ETS1: variants seen among roughly 807,000 people sequenced by gnomAD.
ETS1 encodes the protein protein C-ets-1.
A neutral mutation model predicts 58.6 loss-of-function variants in ETS1; 15 were observed. The observed-to-expected ratio is 0.26, with a 90% confidence interval of 0.17 to 0.39. The LOEUF (loss-of-function observed/expected upper bound fraction) is 0.39. Ranked by LOEUF, ETS1 falls within the 10% of genes least tolerant of loss-of-function variation. ETS1 has a pLI of 1.00. For missense variants in ETS1, 417 were observed against 610.5 expected (o/e 0.68, Z 3.34); for synonymous variants, 214 against 218.2 (o/e 0.98, Z 0.17).
At chr11:128,576,069 G>A (rs1197367426) in intron 1 of ETS1, among the ~76,000 whole-genome samples, 1 of 152,252 alleles carries the variant, frequency 6.6e-6, no homozygotes. Context: ...GTGCTGGACT[G>A]TATTCTTGAA....
chr11:128,585,723 T>A (rs566588268), intron 1 of ETS1, among the ~76,000 whole-genome samples: 1 of 152,228 alleles, frequency 6.6e-6, no homozygotes, highest in South Asian at 2.1e-4. Context: ...TCTCTCATAT[T>A]TGTAAACCAG....
In ETS1 at chr11:128,462,264, A is replaced by C; in HGVS notation, c.*97T>G. On this transcript the variant is annotated 3_prime_UTR_variant, in exon 10 of 10. Transcript: ENST00000392668. ...CTGAAGGTAAAAAATGAGTTCTGGA[A>C]AATAAAAAATAGAATAACAATTCAA... is the stretch of plus-strand genomic sequence containing the variant. The C allele has an allele frequency of 1.0e-6, 1 of 990,798 alleles. No individual in the cohort carries two copies. The highest frequency in any genetic ancestry group is 1.5e-5 in the South Asian group (1 of 65,590). The allele number at this position is 990,798 out of a possible 1,614,324, so 61.4% of individuals were successfully genotyped here.
chr11:128,535,719 A>C (rs1411735870), intron 3 of ETS1, among the ~76,000 whole-genome samples: 1 of 152,204 alleles, frequency 6.6e-6, no homozygotes, highest in Non-Finnish European at 1.5e-5. Flanking sequence ...TCTATGCATG[A>C]TGACATTTAG....
intron 2 of ETS1, among the ~76,000 whole-genome samples, chr11:128,564,582 G>A (rs1431935451): frequency 1.3e-5 from 2 of 152,110 alleles, no homozygotes; most frequent in South Asian, 2.1e-4. Flanking sequence ...GCCAACACTC[G>A]CTGAAACAGG....
intron 2 of ETS1, among the ~76,000 whole-genome samples, chr11:128,558,722 C>T (rs1864357346): frequency 6.8e-6 from 1 of 147,048 alleles, no homozygotes; most frequent in Admixed American, 6.8e-5. Context: ...TGTTTCCTTA[C>T]TTTTGGCTTC....
intron 3 of ETS1, among the ~76,000 whole-genome samples, chr11:128,498,261 A>C (rs1399530228): frequency 6.6e-6 from 1 of 152,220 alleles, no homozygotes; most frequent in Non-Finnish European, 1.5e-5. Context: ...CTTAAAAAAA[A>C]AGATTTTATT....
chr11:128,494,832 G>T (rs1264881054), intron 3 of ETS1, among the ~76,000 whole-genome samples: 1 of 152,094 alleles, frequency 6.6e-6, no homozygotes, highest in Non-Finnish European at 1.5e-5. Context: ...GAGCGTCTGG[G>T]ATCCTAGGGT....
At chr11:128,503,051 G>A (rs923770185) in intron 3 of ETS1, among the ~76,000 whole-genome samples, 2 of 152,182 alleles carry the variant, frequency 1.3e-5, no homozygotes, top group African/African-American at 2.4e-5. Context: ...GCTCAACAAA[G>A]AGATCCCCTG....
intron 1 of ETS1, among the ~76,000 whole-genome samples, chr11:128,582,180 G>T (rs1565419484): frequency 6.6e-6 from 1 of 152,124 alleles, no homozygotes; most frequent in South Asian, 2.1e-4. Flanking sequence ...GTCCTAAGAG[G>T]TTACGTGTTT....
chr11:128,554,079 C>T (rs1864277294), intron 3 of ETS1, among the ~76,000 whole-genome samples: 1 of 152,192 alleles, frequency 6.6e-6, no homozygotes, highest in Non-Finnish European at 1.5e-5. Context: ...GTCCAAACAA[C>T]ACCCATCGCT....
At chr11:128,470,541 T>C (rs951865746) in intron 8 of ETS1, among the ~76,000 whole-genome samples, 25 of 152,132 alleles carry the variant, frequency 1.6e-4, no homozygotes, top group Non-Finnish European at 5.9e-5. Context: ...TATATACATA[T>C]ATATAGACAG....
intron 8 of ETS1, among the ~76,000 whole-genome samples, chr11:128,469,355 T>C (rs914062691): frequency 1.3e-5 from 2 of 152,208 alleles, no homozygotes; most frequent in Non-Finnish European, 1.5e-5. Context: ...ACAGGCCTGC[T>C]GGCCCCTCCC....
At chr11:128,539,364 C>T (rs1864020812) in intron 3 of ETS1, among the ~76,000 whole-genome samples, 1 of 152,098 alleles carries the variant, frequency 6.6e-6, no homozygotes, top group African/African-American at 2.4e-5. Context: ...AAAAAGACAA[C>T]CCAATTTAAA....
intron 8 of ETS1, among the ~76,000 whole-genome samples, chr11:128,475,589 G>A (rs899992304): frequency 3.2e-5 from 4 of 124,168 alleles, no homozygotes; most frequent in Non-Finnish European, 4.7e-5. Context: ...ACGGAGTCTC[G>A]CTCTGTCACC....
chr11:128,582,326 C>T (rs1864891396), intron 1 of ETS1, among the ~76,000 whole-genome samples: 1 of 152,168 alleles, frequency 6.6e-6, no homozygotes, highest in Non-Finnish European at 1.5e-5. Flanking sequence ...AATATCAACA[C>T]TTTCAGGATT....
At position 128,566,433 on chromosome 11, in the gene ETS1, T is replaced by C. The variant is rs140751903; in HGVS notation, c.69+6629A>G. On this transcript the variant is annotated intron_variant, in intron 2 of 9. Coordinates refer to ENST00000392668, the MANE Select transcript of ETS1 (RefSeq NM_001143820.2). ...CCTTATACCATGCCTATTTTACAGATGAAGACACTGAGGTTCAGAGGAGGT... is the reference window on the plus strand; with the variant it reads ...CCTTATACCATGCCTATTTTACAGACGAAGACACTGAGGTTCAGAGGAGGT... Among the ~76,000 whole-genome samples, 745 of 152,254 alleles carry C rather than the reference T, an allele frequency of 4.9e-3. 8 individuals carry two copies. Among genetic ancestry groups the C allele is most frequent in the African/African-American group, 0.016 (676 of 41,540 alleles).
At chr11:128,565,029 CAAATAAATAAAT>C (rs6144562) in intron 2 of ETS1, among the ~76,000 whole-genome samples, 2 of 144,514 alleles carry the variant, frequency 1.4e-5, no homozygotes, top group Admixed American at 1.4e-4. Flanking sequence ...CACCAAATAT[CAAATAAATAAAT>C]AAATAAATAA....
chr11:128,500,182 G>A (rs1863050376), intron 3 of ETS1, among the ~76,000 whole-genome samples: 1 of 152,106 alleles, frequency 6.6e-6, no homozygotes, highest in African/African-American at 2.4e-5. Flanking sequence ...ATCAGACAGA[G>A]GAGGAGAGCT....
chr11:128,575,260 TA>T (rs1481635817), intron 1 of ETS1, among the ~76,000 whole-genome samples: 6 of 152,220 alleles, frequency 3.9e-5, no homozygotes, highest in Non-Finnish European at 7.3e-5. Context: ...AATACATGAC[TA>T]GAACAATTAT....
Sources: allele counts gnomAD v4.1 joint callset (sites outside exome capture counted in the v4.1 genomes callset), GRCh38; gene constraint gnomAD v4.1.1; transcripts MANE v1.5; gene names NCBI Gene and HGNC (gene_info 2026-07-23, HGNC 2026-07-21).